Variants in SPINK5 observed in about 807,000 individuals in gnomAD.
SPINK5 encodes serine peptidase inhibitor Kazal type 5, also known as serine protease inhibitor Kazal-type 5.
SPINK5 carries 125 observed loss-of-function variants against 151.8 expected under a neutral mutation model. The observed-to-expected ratio is 0.82, with a 90% confidence interval of 0.71 to 0.96. The LOEUF (loss-of-function observed/expected upper bound fraction) is 0.96. Among genes scored for constraint, SPINK5 ranks in the 40% least tolerant of loss-of-function variants. The probability of loss-of-function intolerance (pLI) is 0.00; values close to 1 mark genes in which losing one functional copy is unlikely to be tolerated. For synonymous variants in SPINK5, 374 were observed against 395.3 expected, an observed-to-expected ratio of 0.95 and a Z score of 0.64; for missense variants, 1,194 against 1,291.9, an observed-to-expected ratio of 0.92 and a Z score of 1.16.
chr5:148,101,955 A>C (rs1258817691), intron 15 of SPINK5, 47 bp downstream of exon 15: 5 of 1,611,996 alleles, frequency 3.1e-6, no homozygotes, highest in African/African-American at 1.3e-5. Flanking sequence ...GAGCAGTGGG[A>C]ATTTCCATGG....
At chr5:148,110,722 G>A (rs182532757) in intron 18 of SPINK5, among the ~76,000 whole-genome samples, 179 of 152,040 alleles carry the variant, frequency 1.2e-3, no homozygotes, top group African/African-American at 3.9e-3. Flanking sequence ...ATCACACACC[G>A]GGGCCTGTTT....
At position 148,099,222 on chromosome 5, in the gene SPINK5, C is replaced by T. The variant is rs1422991; in HGVS notation, c.1011-12C>T. The T allele has an allele frequency of 0.51, 815,005 of 1,600,236 alleles. 211,794 individuals are homozygous for T. The highest frequency in any genetic ancestry group is 0.66 in the Admixed American group (38,410 of 58,434). On this transcript the variant is annotated splice_polypyrimidine_tract_variant and intron_variant, in intron 11 of 32. Transcript: ENST00000256084. ...TTCCTAATGGATCTGCTTCTTTTTC[C>T]CTCTTATTCAGCCAAGCAGAAAATG...
chr5:148,128,509 A>ATTATTTATTTAT (rs548462479), intron 30 of SPINK5, among the ~76,000 whole-genome samples: 57 of 152,028 alleles, frequency 3.7e-4, no homozygotes, highest in African/African-American at 1.4e-3. Flanking sequence ...TTTTCCAGGC[A>ATTATTTATTTAT]TTATTTATTT....
chr5:148,123,772 T>A, intron 26 of SPINK5, 61 bp from the exon 27 acceptor site: 1 of 1,609,966 alleles, frequency 6.2e-7, no homozygotes, highest in Non-Finnish European at 8.5e-7. Flanking sequence ...CGGTCAATCA[T>A]GTTATCAGGT....
At chr5:148,116,300 A>G in intron 21 of SPINK5, 70 bp from the exon 22 acceptor site, 1 of 1,488,720 alleles carries the variant, frequency 6.7e-7, no homozygotes, top group Non-Finnish European at 9.4e-7. Context: ...TCATATAATG[A>G]GAAACTCAAA....
chr5:148,122,089 TTTAAACCTCCCCAAAATCTA>T (rs1283967925), intron 26 of SPINK5, among the ~76,000 whole-genome samples: 1 of 152,130 alleles, frequency 6.6e-6, no homozygotes, highest in East Asian at 1.9e-4. Flanking sequence ...AATAATTATA[TTTAAACCTCCCCAAAATCTA>T]TTCAGTGGTG....
At chr5:148,123,461 G>GTT (rs1417893221) in intron 26 of SPINK5, among the ~76,000 whole-genome samples, 1 of 26,558 alleles carries the variant, frequency 3.8e-5, no homozygotes, top group Non-Finnish European at 1.0e-4. Flanking sequence ...ATATAATCTT[G>GTT]TTATATATAT....
chr5:148,078,488 A>G (rs1752940082), intron 4 of SPINK5, among the ~76,000 whole-genome samples: 1 of 151,116 alleles, frequency 6.6e-6, no homozygotes, highest in East Asian at 1.9e-4. Context: ...TAGAATATGT[A>G]TTATTTTAAA....
rs1374747562 is a variant in SPINK5 at position 148,104,667 on chromosome 5, G to A, written c.1431-285G>A. On this transcript the variant is annotated intron_variant, in intron 15 of 32. Transcript: ENST00000256084. Reference sequence around the variant, plus strand: ...TCCCAGCACTTTTGGAGGCTGAAGCGGGTGGATCATGAGGTCAGGAGTTCG... The same window carrying A: ...TCCCAGCACTTTTGGAGGCTGAAGCAGGTGGATCATGAGGTCAGGAGTTCG... Among the ~76,000 whole-genome samples the A allele has an allele frequency of 3.3e-5, 5 of 152,184 alleles. No homozygotes were observed. In the East Asian group the frequency reaches 5.8e-4, roughly 18 times the overall value.
At chr5:148,130,993 T>C (rs576024884) in intron 30 of SPINK5, among the ~76,000 whole-genome samples, 14 of 152,336 alleles carry the variant, frequency 9.2e-5, no homozygotes, top group Non-Finnish European at 1.3e-4. Flanking sequence ...TTGTGTCACA[T>C]ATTATAAAGG....
chr5:148,113,322 AAAG>A (rs1753994109), intron 20 of SPINK5, among the ~76,000 whole-genome samples: 1 of 152,298 alleles, frequency 6.6e-6, no homozygotes, highest in African/African-American at 2.4e-5. Flanking sequence ...ATTCAGAGAA[AAAG>A]AAGAACTTGC....
chr5:148,072,078 C>T, intron 3 of SPINK5, 70 bp from the exon 4 acceptor site: 2 of 1,455,342 alleles, frequency 1.4e-6, no homozygotes, highest in Non-Finnish European at 1.9e-6. Flanking sequence ...TTAAGTTTAC[C>T]ATGTTAGCTG....
Position 148,120,144 on chromosome 5 carries a change from T to G in SPINK5, c.2441+8T>G. The G allele has an allele frequency of 6.2e-7, 1 of 1,614,108 alleles. No homozygotes were observed. The highest frequency in any genetic ancestry group is 8.5e-7 in the Non-Finnish European group (1 of 1,179,956). ...TATGTGTAAGGAAAAACTGTGAGTA[T>G]GTTTCAAAATGAGCTTTTGACTGTG... On this transcript the variant is annotated splice_region_variant and intron_variant, in intron 25 of 32. Transcript: ENST00000256084.
At chr5:148,135,507 T>C (rs1754676123) in intron 32 of SPINK5, among the ~76,000 whole-genome samples, 1 of 152,214 alleles carries the variant, frequency 6.6e-6, no homozygotes, top group East Asian at 1.9e-4. Flanking sequence ...GTTCTTCCAT[T>C]TCTGAGTGTA....
At chr5:148,128,769 C>A (rs997462489) in intron 30 of SPINK5, among the ~76,000 whole-genome samples, 5 of 152,090 alleles carry the variant, frequency 3.3e-5, no homozygotes, top group Non-Finnish European at 4.4e-5. Context: ...GTGATCCGCC[C>A]GCCTCGGCCT....
chr5:148,077,637 G>GTATATATATATATATATATATATA lies in SPINK5; in HGVS notation c.282+5440_282+5441insATATATATATATATATATATATAT, dbSNP rs71001472. Among the ~76,000 whole-genome samples, 304 of 134,876 alleles carry GTATATATATATATATATATATATA rather than the reference G, an allele frequency of 2.3e-3. 8 individuals carry two copies. The highest frequency in any genetic ancestry group is 8.5e-3 in the African/African-American group (291 of 34,280). The allele number at this position is 134,876 out of a possible 152,430, so 88.5% of individuals were successfully genotyped here. A position where few individuals can be genotyped will look rare whatever the true frequency, so the allele number is the denominator to read the frequency against. On this transcript the variant is annotated intron_variant, in intron 4 of 32. Transcript: ENST00000256084. ...AACAATTATAATGCTGTTTTATCAG[G>GTATATATATATATATATATATATA]TATATATATATATATATATATATGA...
intron 6 of SPINK5, chr5:148,089,245 C>G (rs1406702483): frequency 5.3e-6 from 3 of 563,630 alleles, no homozygotes; most frequent in Non-Finnish European, 1.0e-5. Flanking sequence ...ATGGCAAGGA[C>G]TGTGCTCTGT....
At chr5:148,099,167 A>G (rs779570220) in intron 11 of SPINK5, 67 bp from the exon 12 acceptor site, 9 of 1,431,432 alleles carry the variant, frequency 6.3e-6, no homozygotes, top group Non-Finnish European at 8.7e-6. Flanking sequence ...TAACAGTGCA[A>G]GGATGTGGAG....
chr5:148,127,111 T>A (rs372063419), intron 30 of SPINK5, 32 bp downstream of exon 30: 1 of 1,572,734 alleles, frequency 6.4e-7, no homozygotes, highest in African/African-American at 1.3e-5. Flanking sequence ...AAGCTACTTA[T>A]CAATTTAATT....
Sources: allele counts gnomAD v4.1 joint callset (sites outside exome capture counted in the v4.1 genomes callset), GRCh38; gene constraint gnomAD v4.1.1; transcripts MANE v1.5; gene names NCBI Gene and HGNC (gene_info 2026-07-23, HGNC 2026-07-21).